Variants in NDUFS3 observed in about 807,000 individuals in gnomAD.
The protein encoded by NDUFS3 is NADH:ubiquinone oxidoreductase core subunit S3.
NDUFS3 carries 19 observed loss-of-function variants against 30.8 expected under a neutral mutation model. That is an observed-to-expected ratio of 0.62 (90% CI 0.43 to 0.91). The LOEUF (loss-of-function observed/expected upper bound fraction) is 0.91, where lower values mean the gene tolerates loss of function less well. NDUFS3 is among the 40% of genes least tolerant of loss of function. The probability of loss-of-function intolerance (pLI) is 0.00; values close to 1 mark genes in which losing one functional copy is unlikely to be tolerated. For synonymous variants in NDUFS3, 153 were observed against 135.8 expected (o/e 1.13, Z -0.88); for missense variants, 331 against 342.0 (o/e 0.97, Z 0.25).
intron 6 of NDUFS3, 102 bp downstream of exon 6, chr11:47,582,570 G>A: frequency 6.3e-7 from 1 of 1,577,526 alleles, no homozygotes; most frequent in Non-Finnish European, 8.7e-7. Flanking sequence ...GATTGTGGTG[G>A]TTTAAGAGCA....
chr11:47,580,947 C>T lies in NDUFS3; in HGVS notation c.344C>T (p.Thr115Ile). The T allele has an allele frequency of 6.2e-7, 1 of 1,614,228 alleles. No individual in the cohort carries two copies. Among genetic ancestry groups the T allele is most frequent in the South Asian group, 1.1e-5 (1 of 91,090 alleles). Residue 115 changes from threonine (T) to isoleucine (I), a missense_variant, in exon 4 of 7, where the codon ACA becomes ATA. Thr to Ile is a moderately conservative substitution (Grantham distance 89, BLOSUM62 -1). Transcript: ENST00000263774. Reference sequence around the variant, plus strand: ...CAGTTCAAATCTCTGGTTGACTTGACAGCAGTGGACGTCCCAACTCGGCAA... The same window carrying T: ...CAGTTCAAATCTCTGGTTGACTTGATAGCAGTGGACGTCCCAACTCGGCAA... ...NAQFKSLVDL[T>I]AVDVPTRQNR... is the part of the protein sequence containing the mutation.
intron 2 of NDUFS3, among the ~76,000 whole-genome samples, chr11:47,580,270 G>T (rs1234455912): frequency 6.6e-6 from 1 of 152,204 alleles, no homozygotes; most frequent in East Asian, 1.9e-4. Context: ...AAGAACTGTG[G>T]AGTAATTTTG....
Position 47,580,506 on chromosome 11 carries a change from A to G in NDUFS3, c.134-19A>G. ...TTTGCCTTCTCCATTTCTTTTTTAA[A>G]TATGCCTTTTCCTTCCAGCCACTGT... On this transcript the variant is annotated intron_variant, in intron 2 of 6. Transcript: ENST00000263774. 3 of 1,613,498 alleles carry G rather than the reference A, an allele frequency of 1.9e-6. No homozygotes were observed. Among genetic ancestry groups the G allele is most frequent in the South Asian group, 2.2e-5 (2 of 91,070 alleles).
chr11:47,579,466 C>G (rs1363125227), intron 2 of NDUFS3, 132 bp downstream of exon 2: 3 of 1,136,330 alleles, frequency 2.6e-6, no homozygotes, highest in South Asian at 2.7e-5. Context: ...TGGTCTTCAC[C>G]CTGCATGCAG....
chr11:47,582,146 C>T lies in NDUFS3; in HGVS notation c.440C>T (p.Thr147Ile). 6.2e-7 allele frequency: 1 copy of T among 1,614,216 alleles called. No individual in the cohort carries two copies. The highest frequency in any genetic ancestry group is 1.1e-5 in the South Asian group (1 of 91,088). The change falls in exon 5 of 7, where the codon ACA becomes ATA. Residue 147 changes from threonine to isoleucine, a missense_variant. Physicochemically the swap from Thr to Ile is moderately conservative, Grantham distance 89. Coordinates refer to ENST00000263774, the MANE Select transcript of NDUFS3 (RefSeq NM_004551.3). ...TCACGGATCCGTGTGAAGACCTACA[C>T]AGATGAGCTGACGCCCATTGAGTCT... ...FNSRIRVKTY[T>I]DELTPIESAV...
chr11:47,579,526 T>C (rs2097266872), intron 2 of NDUFS3, 192 bp downstream of exon 2: 6 of 665,308 alleles, frequency 9.0e-6, no homozygotes, highest in South Asian at 7.4e-5. Context: ...TGATTGTTCC[T>C]TGTCCATTTC....
Position 47,580,891 on chromosome 11 carries a change from G to A in NDUFS3, c.288G>A (p.Val96=), listed in dbSNP as rs967314876. Residue 96 remains valine (V), a synonymous_variant, in exon 4 of 7, where the codon GTG becomes GTA. Transcript: ENST00000263774. ...VCIHPDGVIP[V]LTFLRDHTNA... is the part of the protein sequence containing the mutation. ...TCCATCCTGATGGCGTCATCCCAGT[G>A]CTGACTTTCCTCAGGGATCACACCA... is the stretch of plus-strand genomic sequence containing the variant. 6.2e-7 allele frequency: 1 copy of A among 1,614,082 alleles called. No homozygotes were observed. The highest frequency in any genetic ancestry group is 1.3e-5 in the African/African-American group (1 of 74,924).
At chr11:47,580,657 A>G (rs1481578859) in intron 3 of NDUFS3, 35 bp downstream of exon 3, 2 of 1,607,776 alleles carry the variant, frequency 1.2e-6, no homozygotes, top group East Asian at 4.5e-5. Flanking sequence ...GTCTGGGTCA[A>G]GAAAGAACCA....
chr11:47,579,631 G>A lies in NDUFS3; in HGVS notation c.133+297G>A, dbSNP rs563008813. ...GAGCCCTGTAATAATAGTACCTAGC[G>A]TTAATTGAGTGCTTAATGTGTGCCT... On this transcript the variant is annotated intron_variant, in intron 2 of 6. Transcript: ENST00000263774. 2.5e-4 allele frequency: 142 copies of A among 558,552 alleles called. 1 individual carries two copies. In the South Asian group the frequency reaches 2.7e-3, roughly 11 times the overall value. The allele number at this position is 558,552 out of a possible 1,614,324, so 34.6% of individuals were successfully genotyped here.
At chr11:47,579,371 C>G in intron 2 of NDUFS3, 37 bp downstream of exon 2, 1 of 1,611,234 alleles carries the variant, frequency 6.2e-7, no homozygotes, top group Non-Finnish European at 8.5e-7. Context: ...TCTGAACTAT[C>G]GGCGGGGCCC....
intron 4 of NDUFS3, chr11:47,581,193 C>T (rs575397858): frequency 3.3e-5 from 19 of 578,726 alleles, no homozygotes; most frequent in African/African-American, 1.7e-4. Flanking sequence ...CTTGCTCTGT[C>T]GCCAGGCTGG....
intron 4 of NDUFS3, 65 bp downstream of exon 4, chr11:47,581,049 T>C: frequency 6.3e-7 from 1 of 1,593,232 alleles, no homozygotes; most frequent in South Asian, 1.1e-5. Context: ...TAACATACAA[T>C]AGAACACAGC....
At chr11:47,584,262 T>C (rs2097270076) in intron 6 of NDUFS3, 52 bp from the exon 7 acceptor site, 3 of 1,611,632 alleles carry the variant, frequency 1.9e-6, no homozygotes, top group Non-Finnish European at 2.5e-6. Context: ...GGCTCCTGTG[T>C]AGCTATAATA....
In NDUFS3 at chr11:47,579,325, GA is replaced by G; in HGVS notation, c.125del (p.Asp42AlafsTer43). On this transcript the variant is annotated frameshift_variant, in exon 2 of 7. Transcript: ENST00000263774. LOFTEE classifies it high-confidence loss of function. ...GGTGAGGCGGGAGAGCGCCGGGGCC[GA>G]CACGCGCCGTGAGTATGTGCGGGCA... is the stretch of plus-strand genomic sequence containing the variant. The part of the protein sequence containing the change: ...LPVRRESAGA[D>X]TRPTVRPRND... 1 of 1,613,828 alleles carries G rather than the reference GA, an allele frequency of 6.2e-7. No homozygotes were observed.
At position 47,582,388 on chromosome 11, in the gene NDUFS3, G is replaced by C; in HGVS notation, c.547G>C (p.Asp183His). ...MFGVFFANHPDLRRILTDYGF... is the reference protein window; with the variant it reads ...MFGVFFANHPHLRRILTDYGF... ...TGGAGTCTTCTTTGCTAACCACCCT[G>C]ATCTAAGAAGGATCCTGACAGATTA... Residue 183 changes from aspartate to histidine, a missense_variant, in exon 6 of 7, where the codon GAT (aspartate) becomes CAT (histidine). Asp to His is a moderately conservative substitution (Grantham distance 81, BLOSUM62 -1). Transcript: ENST00000263774. The C allele has an allele frequency of 6.2e-7, 1 of 1,614,182 alleles. No homozygotes were observed. The highest frequency in any genetic ancestry group is 1.1e-5 in the South Asian group (1 of 91,080).
chr11:47,583,006 AAATG>A (rs1454585330), intron 6 of NDUFS3, among the ~76,000 whole-genome samples: 1 of 152,032 alleles, frequency 6.6e-6, no homozygotes, highest in African/African-American at 2.4e-5. Context: ...CTAAATAAAT[AAATG>A]ATGTATGAAG....
At chr11:47,581,016 GT>G in intron 4 of NDUFS3, 32 bp downstream of exon 4, 1 of 1,613,942 alleles carries the variant, frequency 6.2e-7, no homozygotes, top group Non-Finnish European at 8.5e-7. Flanking sequence ...GGTTTTGGGG[GT>G]AAGGATATTA....
intron 6 of NDUFS3, 97 bp downstream of exon 6, chr11:47,582,565 T>C: frequency 6.3e-7 from 1 of 1,592,044 alleles, no homozygotes; most frequent in South Asian, 1.1e-5. Flanking sequence ...CTGTGGATTG[T>C]GGTGGTTTAA....
chr11:47,579,844 A>C, intron 2 of NDUFS3: 1 of 224,624 alleles, frequency 4.5e-6, no homozygotes, highest in Non-Finnish European at 8.9e-6. Flanking sequence ...ACACCTAACC[A>C]TTATTCTGTA....
Sources: gnomAD v4.1 joint callset for allele counts (sites outside exome capture counted in the v4.1 genomes callset) on GRCh38, gnomAD v4.1.1 for gene constraint, MANE v1.5 for transcripts, NCBI Gene and HGNC (gene_info 2026-07-23, HGNC 2026-07-21) for gene names.